MAMDC4: variants seen among roughly 807,000 people sequenced by gnomAD.
MAMDC4 encodes MAM domain containing 4, also known as apical endosomal glycoprotein.
MAMDC4 carries 168 observed loss-of-function variants against 153.3 expected under a neutral mutation model. The ratio of observed to expected loss-of-function variants is 1.10; its 90% CI spans 0.97 to 1.25. MAMDC4 has a LOEUF of 1.25. Among genes scored for constraint, MAMDC4 ranks in the 50% most tolerant of loss-of-function variants. The probability of loss-of-function intolerance (pLI) is 0.00; values close to 1 mark genes in which losing one functional copy is unlikely to be tolerated. For missense variants in MAMDC4, 1,701 were observed against 1,542.8 expected (o/e 1.10, Z -1.72); for synonymous variants, 744 against 651.5 (o/e 1.14, Z -2.16).
intron 26 of MAMDC4, among the ~76,000 whole-genome samples, chr9:136,860,352 T>G (rs531809065): frequency 6.6e-6 from 1 of 152,246 alleles, no homozygotes; most frequent in East Asian, 1.9e-4. Flanking sequence ...AAACCCCGTC[T>G]CAACTAAAAC....
chr9:136,856,039 G>A lies in MAMDC4; in HGVS notation c.1610G>A (p.Arg537Gln), dbSNP rs200376345. 1.3e-5 allele frequency: 21 copies of A among 1,611,688 alleles called. No homozygotes were observed. The highest frequency in any genetic ancestry group is 3.3e-5 in the South Asian group (3 of 90,990). Residue 537 changes from arginine (R) to glutamine (Q), a missense_variant, in exon 14 of 27, where the codon CGG becomes CAG. By Grantham distance (43) the Arg-to-Gln change is conservative (BLOSUM62 1). Transcript: ENST00000317446. ...AAAGHFLSLQ[R>Q]AWGQLGAEAR... ...CTAGGGCACTTCCTGTCTCTGCAGC[G>A]GGCCTGGGGGCAGCTAGGCGCTGAG...
chr9:136,858,888 C>T (rs201224694), intron 23 of MAMDC4, 35 bp downstream of exon 23: 242 of 1,589,584 alleles, frequency 1.5e-4, no homozygotes, highest in African/African-American at 1.5e-3. Context: ...GCCTGGGCAA[C>T]GGGGGCAGCA....
At position 136,854,087 on chromosome 9, in the gene MAMDC4, G is replaced by A. The variant is rs781614521; in HGVS notation, c.670+11G>A. 35 of 1,612,284 alleles carry A rather than the reference G, an allele frequency of 2.2e-5. No homozygotes were observed. The highest frequency in any genetic ancestry group is 5.3e-5 in the African/African-American group (4 of 74,876). On this transcript the variant is annotated intron_variant, in intron 6 of 26. Transcript: ENST00000317446. Reference sequence around the variant, plus strand: ...ACTGTGGTCTGCCCAGTAAGGCACCGCCTCTTCCTGTTCCACCCCCGGGAG... The same window carrying A: ...ACTGTGGTCTGCCCAGTAAGGCACCACCTCTTCCTGTTCCACCCCCGGGAG...
chr9:136,854,114 G>A lies in MAMDC4; in HGVS notation c.670+38G>A, dbSNP rs1470352304. Reference sequence around the variant, plus strand: ...CTCTTCCTGTTCCACCCCCGGGAGGGCCCCCACCTGCCCACTCCCCTGCTC... The same window carrying A: ...CTCTTCCTGTTCCACCCCCGGGAGGACCCCCACCTGCCCACTCCCCTGCTC... On this transcript the variant is annotated intron_variant, in intron 6 of 26. Coordinates refer to ENST00000317446, the MANE Select transcript of MAMDC4 (RefSeq NM_206920.3). 9.9e-6 allele frequency: 16 copies of A among 1,609,346 alleles called. No individual in the cohort carries two copies. In the East Asian group the frequency reaches 3.1e-4, roughly 31 times the overall value.
chr9:136,853,410 C>CT lies in MAMDC4; in HGVS notation c.281dup (p.Glu95GlyfsTer61). ...GCTCCGAGACAGGGCAGGGGCCGCACTGGAGGGTCCTGGGCCTCACTCAGA... is the reference window on the plus strand; with the variant it reads ...GCTCCGAGACAGGGCAGGGGCCGCACTTGGAGGGTCCTGGGCCTCACTCAGA... On this transcript the variant is annotated frameshift_variant, in exon 3 of 27. Coordinates refer to ENST00000317446, the MANE Select transcript of MAMDC4 (RefSeq NM_206920.3). LOFTEE classifies it high-confidence loss of function. 6.2e-7 allele frequency: 1 copy of CT among 1,603,644 alleles called. No homozygotes were observed. The highest frequency in any genetic ancestry group is 8.5e-7 in the Non-Finnish European group (1 of 1,173,252).
In MAMDC4 at chr9:136,859,273, A is replaced by C; in HGVS notation, c.3149A>C (p.Glu1050Ala). ...ALGPIALDDV[E>A]YLAGQHCQQP... Reference sequence around the variant, plus strand: ...GGGCCCATTGCCCTGGATGACGTGGAGTATCTGGCTGGGCAGCATTGCCAG... The same window carrying C: ...GGGCCCATTGCCCTGGATGACGTGGCGTATCTGGCTGGGCAGCATTGCCAG... Residue 1050 changes from glutamate (E) to alanine (A), a missense_variant, in exon 25 of 27, where the codon GAG (glutamate) becomes GCG (alanine). By Grantham distance (107) the Glu-to-Ala change is moderately radical (BLOSUM62 -1). Transcript: ENST00000317446. The C allele has an allele frequency of 6.2e-7, 1 of 1,611,930 alleles. No homozygotes were observed. The highest frequency in any genetic ancestry group is 8.5e-7 in the Non-Finnish European group (1 of 1,179,456).
Position 136,859,992 on chromosome 9 carries a change from G to A in MAMDC4, c.3300G>A (p.Lys1100=), listed in dbSNP as rs747573851. The A allele has an allele frequency of 9.3e-6, 15 of 1,612,502 alleles. No homozygotes were observed. Among genetic ancestry groups the A allele is most frequent in the South Asian group, 7.7e-5 (7 of 90,964 alleles). Residue 1100 remains lysine (K), a synonymous_variant, in exon 26 of 27, where the codon AAG becomes AAA. Transcript: ENST00000317446. ...TTGGGGGACGGCGCTGGCTGCAGAA[G>A]AAGGGGAGCTGCCCCTTCCAGAGCA... ...LGLGGRRWLQ[K]KGSCPFQSNT... is the part of the protein sequence containing the mutation.
Position 136,855,603 on chromosome 9 carries a change from G to T in MAMDC4, c.1455G>T (p.Glu485Asp). 1 of 1,582,886 alleles carries T rather than the reference G, an allele frequency of 6.3e-7. No individual in the cohort carries two copies. The highest frequency in any genetic ancestry group is 8.6e-7 in the Non-Finnish European group (1 of 1,164,106). Residue 485 changes from glutamate (E) to aspartate (D), a missense_variant, in exon 12 of 27, where the codon GAG becomes GAT. Transcript: ENST00000317446. ...TCGAGGAGCAGTGCGCAGGGGGCGAGGACGAGCAGGCCTGTGGTAAAGGGG... is the reference window on the plus strand; with the variant it reads ...TCGAGGAGCAGTGCGCAGGGGGCGATGACGAGCAGGCCTGTGGTAAAGGGG... ...CDFEEQCAGG[E>D]DEQACGTTDF...
chr9:136,853,367 TAC>T lies in MAMDC4; in HGVS notation c.238_239del (p.Thr80LeufsTer75), dbSNP rs1213948406. On this transcript the variant is annotated frameshift_variant, in exon 3 of 27. Transcript: ENST00000317446. LOFTEE classifies it high-confidence loss of function. ...ACCCCTGCGGCTGGCGGGACATTAG[TAC>T]CTCAGGCTACAGCTGGCTCCGAGAC... ...QDPCGWRDIS[T>X]SGYSWLRDRA... is the part of the protein sequence containing the mutation. 6.2e-7 allele frequency: 1 copy of T among 1,606,942 alleles called. No homozygotes were observed. Among genetic ancestry groups the T allele is most frequent in the South Asian group, 1.1e-5 (1 of 90,786 alleles).
At chr9:136,860,468 C>T (rs1216412788) in intron 26 of MAMDC4, 94 bp from the exon 27 acceptor site, 18 of 1,361,048 alleles carry the variant, frequency 1.3e-5, no homozygotes, top group Non-Finnish European at 1.6e-5. Context: ...TTGCAGTGAG[C>T]GAAGATCGTG....
intron 14 of MAMDC4, 84 bp from the exon 15 acceptor site, chr9:136,856,626 C>T: frequency 7.3e-7 from 1 of 1,372,538 alleles, no homozygotes; most frequent in Non-Finnish European, 1.0e-6. Flanking sequence ...TTACACTCCT[C>T]CAGGGACCCC....
rs1427097155 is a variant in MAMDC4, at chr9:136,855,764, G to A, written c.1504G>A (p.Gly502Ser). The change falls in exon 13 of 27, where the codon GGC (glycine) becomes AGC (serine). Residue 502 changes from glycine to serine, a missense_variant. By Grantham distance (56) the Gly-to-Ser change is moderately conservative. Coordinates refer to ENST00000317446, the MANE Select transcript of MAMDC4 (RefSeq NM_206920.3). Reference protein sequence around the residue: ...TTDFESPEAGGWEDASVGRLQ... With the variant: ...TTDFESPEAGSWEDASVGRLQ... ...AGACTTTGAGTCCCCCGAGGCTGGG[G>A]GCTGGGAGGACGCCAGCGTGGGGCG... The A allele has an allele frequency of 6.4e-7, 1 of 1,569,048 alleles. No homozygotes were observed. The highest frequency in any genetic ancestry group is 2.3e-5 in the East Asian group (1 of 43,156).
In MAMDC4 at chr9:136,854,959, G is replaced by C; in HGVS notation, c.1046G>C (p.Ser349Thr). 6.2e-7 allele frequency: 1 copy of C among 1,610,308 alleles called. No individual in the cohort carries two copies. Among genetic ancestry groups the C allele is most frequent in the African/African-American group, 1.3e-5 (1 of 74,972 alleles). ...CAGCTGGTCTTCTATCAGTACCTGA[G>C]TGGGTCTGAGGCTGGCTGCCTCCAG... ...NCSLVFYQYLSGSEAGCLQLF... is the reference protein window; with the variant it reads ...NCSLVFYQYLTGSEAGCLQLF... Residue 349 changes from serine (S) to threonine (T), a missense_variant, in exon 10 of 27, where the codon AGT becomes ACT. Transcript: ENST00000317446.
At chr9:136,858,144 C>A in intron 20 of MAMDC4, 42 bp from the exon 21 acceptor site, 1 of 1,538,664 alleles carries the variant, frequency 6.5e-7, no homozygotes, top group Non-Finnish European at 8.7e-7. Flanking sequence ...CCCCCGAGGG[C>A]TGCCTGGACC....
At position 136,859,315 on chromosome 9, in the gene MAMDC4, C is replaced by G; in HGVS notation, c.3191C>G (p.Pro1064Arg). The G allele has an allele frequency of 6.2e-7, 1 of 1,609,654 alleles. No individual in the cohort carries two copies. Among genetic ancestry groups the G allele is most frequent in the Non-Finnish European group, 8.5e-7 (1 of 1,178,434 alleles). ...CATTGCCAGCAGCCTGCCCCCAGCCCGGGTGAGCCCTGGGCTGCAGTGGAG... is the reference window on the plus strand; with the variant it reads ...CATTGCCAGCAGCCTGCCCCCAGCCGGGGTGAGCCCTGGGCTGCAGTGGAG... ...GQHCQQPAPS[P>R]GNTAAPGSVP... Residue 1064 changes from proline (P) to arginine (R), a missense_variant and splice_region_variant, in exon 25 of 27, where the codon CCG (proline) becomes CGG (arginine). Transcript: ENST00000317446.
intron 25 of MAMDC4, 101 bp from the exon 26 acceptor site, chr9:136,859,785 G>A (rs1178797496): frequency 2.1e-5 from 27 of 1,284,768 alleles, no homozygotes; most frequent in Non-Finnish European, 2.8e-5. Flanking sequence ...GTGAACCCCA[G>A]GAGCCAGCAG....
chr9:136,858,711 G>T lies in MAMDC4; in HGVS notation c.2822-8G>T. On this transcript the variant is annotated splice_polypyrimidine_tract_variant and splice_region_variant and intron_variant, in intron 22 of 26. Transcript: ENST00000317446. Reference sequence around the variant, plus strand: ...ATCAGCTGGGCATCAGCCTCCTCTTGTTCCCAGGCCACTTTGCCTTCTTTG... The same window carrying T: ...ATCAGCTGGGCATCAGCCTCCTCTTTTTCCCAGGCCACTTTGCCTTCTTTG... The T allele has an allele frequency of 1.9e-6, 3 of 1,612,066 alleles. No homozygotes were observed. Among genetic ancestry groups the T allele is most frequent in the Non-Finnish European group, 2.5e-6 (3 of 1,179,714 alleles).
rs1434347243 is a variant in MAMDC4 at position 136,856,960 on chromosome 9, C to T, written c.1891C>T (p.His631Tyr). 1.9e-6 allele frequency: 3 copies of T among 1,612,386 alleles called. No homozygotes were observed. The highest frequency in any genetic ancestry group is 2.5e-6 in the Non-Finnish European group (3 of 1,179,726). The change falls in exon 16 of 27, where the codon CAC (histidine) becomes TAC (tyrosine). Residue 631 changes from histidine to tyrosine, a missense_variant. By Grantham distance (83) the His-to-Tyr change is moderately conservative. Coordinates refer to ENST00000317446, the MANE Select transcript of MAMDC4 (RefSeq NM_206920.3). Reference protein sequence around the residue: ...TDPLAWGHSAHLLSRPQVPAA... With the variant: ...TDPLAWGHSAYLLSRPQVPAA... Reference sequence around the variant, plus strand: ...CCCCCTGGCCTGGGGCCACAGTGCCCACCTGCTCTCCAGGCCCCAGGTGCC... The same window carrying T: ...CCCCCTGGCCTGGGGCCACAGTGCCTACCTGCTCTCCAGGCCCCAGGTGCC...
At position 136,853,608 on chromosome 9, in the gene MAMDC4, C is replaced by A; in HGVS notation, c.392C>A (p.Pro131Gln). Residue 131 changes from proline (P) to glutamine (Q), a missense_variant, in exon 4 of 27, where the codon CCA becomes CAA. Pro to Gln is a moderately conservative substitution (Grantham distance 76). Transcript: ENST00000317446. The stretch of plus-strand genomic sequence containing the variant: ...GCATCCACCGCAGCCCTGCGCTCGC[C>A]AACCCTGCGAGAGGCAGCCTCCTCT... ...KEASTAALRSPTLREAASSCK... is the reference protein window; with the variant it reads ...KEASTAALRSQTLREAASSCK... 1 of 1,612,442 alleles carries A rather than the reference C, an allele frequency of 6.2e-7. No homozygotes were observed. Among genetic ancestry groups the A allele is most frequent in the Non-Finnish European group, 8.5e-7 (1 of 1,179,854 alleles).
Sources: gnomAD v4.1 joint callset for allele counts (sites outside exome capture counted in the v4.1 genomes callset) on GRCh38, gnomAD v4.1.1 for gene constraint, MANE v1.5 for transcripts, NCBI Gene and HGNC (gene_info 2026-07-23, HGNC 2026-07-21) for gene names.